MED13L: variants seen among roughly 807,000 people sequenced by gnomAD.
MED13L encodes the protein mediator of RNA polymerase II transcription subunit 13-like.
Under a neutral mutation model 220.9 loss-of-function variants are expected in MED13L, and 7 were observed. The ratio of observed to expected loss-of-function variants is 0.03; its 90% CI spans 0.02 to 0.06. The LOEUF (loss-of-function observed/expected upper bound fraction) is 0.06, where lower values mean the gene tolerates loss of function less well. Among genes scored for constraint, MED13L ranks in the 10% least tolerant of loss-of-function variants. The probability of loss-of-function intolerance (pLI) is 1.00; values close to 1 mark genes in which losing one functional copy is unlikely to be tolerated. For missense variants in MED13L, 1,965 were observed against 2,760.5 expected (o/e 0.71, Z 6.46); for synonymous variants, 1,011 against 1,015.2 (o/e 1.00, Z 0.08).
intron 1 of MED13L, chr12:116,276,840 G>T: frequency 9.5e-7 from 1 of 1,050,342 alleles, no homozygotes; most frequent in Non-Finnish European, 1.3e-6. Context: ...CGAGCGCCGC[G>T]CTCACAAATG....
intron 4 of MED13L, among the ~76,000 whole-genome samples, chr12:116,089,719 GA>G (rs1254497237): frequency 2.6e-5 from 4 of 152,232 alleles, no homozygotes; most frequent in African/African-American, 9.6e-5. Context: ...ATGTGGAAAT[GA>G]AAAAATATAG....
intron 3 of MED13L, among the ~76,000 whole-genome samples, chr12:116,102,288 C>T (rs1024303340): frequency 1.3e-5 from 2 of 152,184 alleles, no homozygotes; most frequent in Admixed American, 1.3e-4. Context: ...TTACAAATGT[C>T]ACCAGAGCAG....
intron 4 of MED13L, among the ~76,000 whole-genome samples, chr12:116,038,455 G>GTC (rs947111981): frequency 6.6e-6 from 1 of 151,954 alleles, no homozygotes. Flanking sequence ...TACAAAATGT[G>GTC]TCTCATTGTA....
At chr12:116,224,365 C>A (rs1019492645) in intron 2 of MED13L, among the ~76,000 whole-genome samples, 2 of 152,174 alleles carry the variant, frequency 1.3e-5, no homozygotes, top group African/African-American at 4.8e-5. Flanking sequence ...ATTCTATCTA[C>A]CCTTTAAGGT....
chr12:116,253,456 C>T (rs912551611), intron 1 of MED13L, among the ~76,000 whole-genome samples: 1 of 151,948 alleles, frequency 6.6e-6, no homozygotes. Context: ...TTTTATGACA[C>T]CAACATTAAC....
intron 1 of MED13L, among the ~76,000 whole-genome samples, chr12:116,258,523 T>A (rs1442434598): frequency 6.6e-6 from 1 of 152,092 alleles, no homozygotes; most frequent in Non-Finnish European, 1.5e-5. Flanking sequence ...ACACCTGTAA[T>A]CCCAGCACTT....
chr12:116,096,783 T>C (rs1428866259), intron 3 of MED13L, 31 bp from the exon 4 acceptor site: 5 of 1,535,096 alleles, frequency 3.3e-6, no homozygotes, highest in East Asian at 2.3e-5. Flanking sequence ...ATTACTTTTA[T>C]AGTATCAGTA....
Position 115,960,907 on chromosome 12 carries a change from A to G in MED13L, c.*359T>C. The stretch of plus-strand genomic sequence containing the variant: ...AGGGCTAGACTGCCCTCAATTGTAT[A>G]CAGAGGCTGAAAACACAGACTCTTG... On this transcript the variant is annotated 3_prime_UTR_variant, in exon 31 of 31. Coordinates refer to ENST00000281928, the MANE Select transcript of MED13L (RefSeq NM_015335.5). 2.8e-6 allele frequency: 1 copy of G among 354,436 alleles called. No individual in the cohort carries two copies. Among genetic ancestry groups the G allele is most frequent in the South Asian group, 2.3e-5 (1 of 43,542 alleles). The allele number at this position is 354,436 out of a possible 1,614,324, so 22.0% of individuals were successfully genotyped here.
chr12:116,162,804 T>A (rs1878987120), intron 2 of MED13L, among the ~76,000 whole-genome samples: 1 of 152,274 alleles, frequency 6.6e-6, no homozygotes, highest in Non-Finnish European at 1.5e-5. Context: ...TGACTTTTTC[T>A]ATTTTTCTCT....
intron 2 of MED13L, among the ~76,000 whole-genome samples, chr12:116,129,376 T>G (rs1437281198): frequency 6.6e-6 from 1 of 152,198 alleles, no homozygotes; most frequent in Non-Finnish European, 1.5e-5. Context: ...CTATTCGTAT[T>G]CATTTTGTAT....
At chr12:116,013,103 T>C (rs1318912682) in intron 8 of MED13L, among the ~76,000 whole-genome samples, 1 of 152,208 alleles carries the variant, frequency 6.6e-6, no homozygotes, top group Admixed American at 6.5e-5. Context: ...TGGGCGCATG[T>C]GGTTCATACT....
At chr12:116,048,093 C>T (rs747337555) in intron 4 of MED13L, among the ~76,000 whole-genome samples, 1 of 151,684 alleles carries the variant, frequency 6.6e-6, no homozygotes, top group African/African-American at 2.4e-5. Context: ...CCATGCCCAG[C>T]AACTTTACTT....
chr12:116,265,968 T>C (rs1872801154), intron 1 of MED13L, among the ~76,000 whole-genome samples: 1 of 152,224 alleles, frequency 6.6e-6, no homozygotes, highest in Non-Finnish European at 1.5e-5. Flanking sequence ...TATCAGATAT[T>C]ATGCGGTCCA....
chr12:116,089,268 TTGAACTCC>T (rs1261379192), intron 4 of MED13L, among the ~76,000 whole-genome samples: 1 of 152,196 alleles, frequency 6.6e-6, no homozygotes, highest in Non-Finnish European at 1.5e-5. Flanking sequence ...CAGGCTGGAC[TTGAACTCC>T]TGAACTCCTG....
At chr12:116,039,938 T>C (rs1316063430) in intron 4 of MED13L, among the ~76,000 whole-genome samples, 1 of 151,856 alleles carries the variant, frequency 6.6e-6, no homozygotes, top group East Asian at 1.9e-4. Context: ...GTAGGGTGAG[T>C]GAGAGCACCT....
At chr12:116,085,292 T>C (rs1044475497) in intron 4 of MED13L, among the ~76,000 whole-genome samples, 6 of 152,132 alleles carry the variant, frequency 3.9e-5, no homozygotes, top group East Asian at 1.9e-4. Context: ...AACAGCCCAA[T>C]TGCTCAAACT....
At position 116,237,714 on chromosome 12, in the gene MED13L, A is replaced by G. The variant is rs778887950; in HGVS notation, c.73-9T>C. The G allele has an allele frequency of 1.2e-6, 2 of 1,611,972 alleles. No homozygotes were observed. The highest frequency in any genetic ancestry group is 1.7e-6 in the Non-Finnish European group (2 of 1,177,994). Reference sequence around the variant, plus strand: ...ATTCCCGTGAGTTCAGCCTGGAAAAAGACAAAAAATTGTAATCGTTTTCTC... The same window carrying G: ...ATTCCCGTGAGTTCAGCCTGGAAAAGGACAAAAAATTGTAATCGTTTTCTC... On this transcript the variant is annotated splice_polypyrimidine_tract_variant and intron_variant, in intron 1 of 30. Transcript: ENST00000281928.
Position 115,966,238 on chromosome 12 carries a change from C to T in MED13L, c.6231G>A (p.Gln2077=). Residue 2077 remains glutamine (Q), a synonymous_variant, in exon 29 of 31, where the codon CAG becomes CAA. Coordinates refer to ENST00000281928, the MANE Select transcript of MED13L (RefSeq NM_015335.5). ...CTTCTCTAGAAAGAAGACGCTCACC[C>T]TGGCTCTGAAAAACAAAAATCCCAA... The part of the protein sequence containing the change: ...VGSHFQHSRS[Q]GERLLSREAP... 2 of 1,614,112 alleles carry T rather than the reference C, an allele frequency of 1.2e-6. No individual in the cohort carries two copies. Among genetic ancestry groups the T allele is most frequent in the Non-Finnish European group, 1.7e-6 (2 of 1,180,008 alleles).
At chr12:116,005,838 AT>A in intron 13 of MED13L, 30 bp downstream of exon 13, 1 of 1,613,372 alleles carries the variant, frequency 6.2e-7, no homozygotes, top group Non-Finnish European at 8.5e-7. Context: ...ATGTAGCGAA[AT>A]TTTTGTTTAT....
Sources: allele counts gnomAD v4.1 joint callset (sites outside exome capture counted in the v4.1 genomes callset), GRCh38; gene constraint gnomAD v4.1.1; transcripts MANE v1.5; gene names NCBI Gene and HGNC (gene_info 2026-07-23, HGNC 2026-07-21).